The following SOX6 variants were observed in gnomAD, a reference collection of about 807,000 sequenced individuals.
SOX6 encodes the protein transcription factor SOX-6.
A neutral mutation model predicts 97.8 loss-of-function variants in SOX6; 11 were observed. The observed-to-expected ratio is 0.11, with a 90% CI of 0.07 to 0.19. SOX6 has a LOEUF of 0.19. Ranked by LOEUF, SOX6 falls within the 10% of genes least tolerant of loss-of-function variation. SOX6 has a pLI of 1.00. For missense variants in SOX6, 810 were observed against 1,039.5 expected (o/e 0.78, Z 3.04); for synonymous variants, 360 against 371.4 (o/e 0.97, Z 0.35).
At chr11:16,222,979 T>C (rs541277061) in intron 4 of SOX6, among the ~76,000 whole-genome samples, 9 of 152,290 alleles carry the variant, frequency 5.9e-5, no homozygotes, top group South Asian at 2.1e-4. Context: ...GTACGAATTA[T>C]GCAGCACAAA....
chr11:16,637,779 C>T (rs1247038773), intron 3 of SOX6, among the ~76,000 whole-genome samples: 2 of 151,988 alleles, frequency 1.3e-5, no homozygotes, highest in South Asian at 2.1e-4. Context: ...TTCTCAAGGT[C>T]GCTTTGGTCA....
intron 13 of SOX6, among the ~76,000 whole-genome samples, chr11:16,004,924 C>A (rs560865217): frequency 6.2e-4 from 95 of 152,124 alleles, no homozygotes; most frequent in African/African-American, 2.1e-3. Context: ...TAATTTCTAC[C>A]TTGCAGCATC....
intron 6 of SOX6, among the ~76,000 whole-genome samples, chr11:16,120,581 T>TATATAC (rs140473523): frequency 0.018 from 2,718 of 149,624 alleles, 56 homozygotes; most frequent in African/African-American, 0.049. Context: ...TATATATATA[T>TATATAC]ACACACACTT....
chr11:16,245,248 G>A (rs971768706), intron 3 of SOX6, among the ~76,000 whole-genome samples: 1 of 151,600 alleles, frequency 6.6e-6, no homozygotes, highest in Non-Finnish European at 1.5e-5. Context: ...ATTTAAAAAT[G>A]TTTCATATTG....
At chr11:16,737,995 C>A (rs1848407039) in intron 1 of SOX6, among the ~76,000 whole-genome samples, 1 of 151,904 alleles carries the variant, frequency 6.6e-6, no homozygotes, top group Admixed American at 6.6e-5. Context: ...ACATCCACAG[C>A]GAGGTCAGTG....
At chr11:16,265,302 C>T (rs1023540094) in intron 3 of SOX6, among the ~76,000 whole-genome samples, 1 of 151,842 alleles carries the variant, frequency 6.6e-6, no homozygotes, top group Non-Finnish European at 1.5e-5. Flanking sequence ...CTTCACTAGC[C>T]AACGTGGAAA....
At chr11:16,457,923 T>C (rs1429077022) in intron 1 of SOX6, among the ~76,000 whole-genome samples, 2 of 152,038 alleles carry the variant, frequency 1.3e-5, no homozygotes, top group African/African-American at 4.8e-5. Context: ...AATTGTTTCA[T>C]TGACACATCA....
chr11:16,637,613 A>C (rs539859152), intron 3 of SOX6, among the ~76,000 whole-genome samples: 6 of 152,350 alleles, frequency 3.9e-5, no homozygotes, highest in South Asian at 2.1e-4. Flanking sequence ...GATTAGGGTA[A>C]ATGATTGAAC....
chr11:16,117,426 T>C (rs1187128835), intron 6 of SOX6, among the ~76,000 whole-genome samples: 2 of 152,158 alleles, frequency 1.3e-5, no homozygotes, highest in African/African-American at 4.8e-5. Flanking sequence ...TCAATATTTC[T>C]AAATGCCATC....
intron 1 of SOX6, among the ~76,000 whole-genome samples, chr11:16,463,349 A>G (rs111425504): frequency 0.011 from 1,748 of 152,324 alleles, 32 homozygotes; most frequent in African/African-American, 0.04. Flanking sequence ...TGAACAAAAC[A>G]GTCATGGTCT....
At chr11:16,709,117 A>G (rs2134046385) in intron 3 of SOX6, among the ~76,000 whole-genome samples, 1 of 152,314 alleles carries the variant, frequency 6.6e-6, no homozygotes, top group African/African-American at 2.4e-5. Context: ...CAGTGTTGAC[A>G]GAGGGGCCTG....
intron 3 of SOX6, among the ~76,000 whole-genome samples, chr11:16,245,817 T>C (rs1853318391): frequency 6.6e-6 from 1 of 151,448 alleles, no homozygotes; most frequent in Non-Finnish European, 1.5e-5. Flanking sequence ...ATTTACATCT[T>C]TATATTTATT....
intron 3 of SOX6, among the ~76,000 whole-genome samples, chr11:16,298,023 A>G (rs1855149134): frequency 6.6e-6 from 1 of 152,216 alleles, no homozygotes; most frequent in African/African-American, 2.4e-5. Flanking sequence ...AGAAAAACAC[A>G]TAAAAGCATG....
rs1001458401 is a variant in SOX6, at chr11:16,356,469, A to C, written c.-380T>G. On this transcript the variant is annotated 5_prime_UTR_variant, in exon 1 of 16. An upstream open reading frame in the 5' UTR loses its in-frame stop. Coordinates refer to ENST00000683767, the MANE Select transcript of SOX6 (RefSeq NM_001367873.1). ...GTTAAGCAAACTTTACAAGCTAGTC[A>C]AGCCATCATCCAATAGAGCCTATTT... Among the ~76,000 whole-genome samples the C allele has an allele frequency of 6.6e-6, 1 of 152,146 alleles. No individual in the cohort carries two copies. Among genetic ancestry groups the C allele is most frequent in the African/African-American group, 2.4e-5 (1 of 41,454 alleles).
intron 3 of SOX6, among the ~76,000 whole-genome samples, chr11:16,276,817 G>T (rs1854416650): frequency 6.6e-6 from 1 of 152,156 alleles, no homozygotes; most frequent in Admixed American, 6.5e-5. Flanking sequence ...TTTTGTTGTG[G>T]ATACTTGCAT....
intron 1 of SOX6, among the ~76,000 whole-genome samples, chr11:16,401,071 A>G (rs1165445989): frequency 1.3e-5 from 2 of 151,548 alleles, no homozygotes; most frequent in Non-Finnish European, 1.5e-5. Flanking sequence ...TTATATACCA[A>G]TTTTTATGTC....
At chr11:16,620,230 T>A (rs1848525688) in intron 3 of SOX6, among the ~76,000 whole-genome samples, 2 of 152,182 alleles carry the variant, frequency 1.3e-5, no homozygotes, top group Non-Finnish European at 2.9e-5. Context: ...AAGTCTAAAT[T>A]TTATGAGTGG....
At chr11:16,150,841 G>T (rs1009366636) in intron 6 of SOX6, among the ~76,000 whole-genome samples, 6 of 152,060 alleles carry the variant, frequency 3.9e-5, no homozygotes, top group African/African-American at 1.4e-4. Context: ...CTCCTGACAA[G>T]AAGTCACATT....
chr11:16,259,520 T>G (rs1004542914), intron 3 of SOX6, among the ~76,000 whole-genome samples: 4 of 152,156 alleles, frequency 2.6e-5, no homozygotes, highest in Non-Finnish European at 5.9e-5. Flanking sequence ...GACTGCCTTA[T>G]GAATTTATTG....
Sources: allele counts gnomAD v4.1 joint callset (sites outside exome capture counted in the v4.1 genomes callset), GRCh38; gene constraint gnomAD v4.1.1; transcripts MANE v1.5; gene names NCBI Gene and HGNC (gene_info 2026-07-23, HGNC 2026-07-21).